The following TRHDE variants were observed in gnomAD, a reference collection of about 807,000 sequenced individuals.
TRHDE encodes the protein thyrotropin releasing hormone degrading enzyme, also known as thyrotropin-releasing hormone-degrading ectoenzyme.
A neutral mutation model predicts 125.7 loss-of-function variants in TRHDE; 72 were observed. The observed-to-expected ratio is 0.57, with a 90% CI of 0.47 to 0.70. TRHDE has a LOEUF of 0.70. Ranked by LOEUF, TRHDE falls within the 30% of genes least tolerant of loss-of-function variation. The pLI is 0.00. For synonymous variants in TRHDE, 509 were observed against 509.1 expected, an observed-to-expected ratio of 1.00 and a Z score of 0.00; for missense variants, 1,110 against 1,327.1, an observed-to-expected ratio of 0.84 and a Z score of 2.54.
intron 3 of TRHDE, among the ~76,000 whole-genome samples, chr12:72,386,324 G>A (rs1872413374): frequency 6.6e-6 from 1 of 152,068 alleles, no homozygotes; most frequent in Non-Finnish European, 1.5e-5. Context: ...CATTTTAAAC[G>A]TTTTCATATT....
chr12:72,234,702 GTTATTT>G (rs1878308446), intron 2 of TRHDE, among the ~76,000 whole-genome samples: 1 of 152,058 alleles, frequency 6.6e-6, no homozygotes, highest in Non-Finnish European at 1.5e-5. Flanking sequence ...ATAATGTAGT[GTTATTT>G]TTGTTGGTTT....
chr12:72,644,848 C>T (rs1216657551), intron 15 of TRHDE, among the ~76,000 whole-genome samples: 9 of 152,110 alleles, frequency 5.9e-5, no homozygotes, highest in Non-Finnish European at 1.3e-4. Context: ...TGCAGGCTAG[C>T]CACTGAGGGG....
intron 12 of TRHDE, among the ~76,000 whole-genome samples, chr12:72,586,670 C>T (rs938850709): frequency 5.9e-5 from 9 of 151,892 alleles, no homozygotes; most frequent in Admixed American, 5.3e-4. Flanking sequence ...AGTTGATTCA[C>T]GCCTCTAACG....
At chr12:72,236,570 G>A (rs1233491263) in intron 2 of TRHDE, among the ~76,000 whole-genome samples, 1 of 150,954 alleles carries the variant, frequency 6.6e-6, no homozygotes, top group Non-Finnish European at 1.5e-5. Flanking sequence ...TACTTTTTGT[G>A]TCAAAAACAT....
chr12:72,553,014 C>G (rs1215590375), intron 7 of TRHDE, among the ~76,000 whole-genome samples: 1 of 152,038 alleles, frequency 6.6e-6, no homozygotes, highest in Non-Finnish European at 1.5e-5. Context: ...ATGGGGAAAT[C>G]AGAGAAATCC....
At chr12:72,134,386 A>C (rs1221580789) in intron 2 of TRHDE, among the ~76,000 whole-genome samples, 1 of 152,122 alleles carries the variant, frequency 6.6e-6, no homozygotes, top group Non-Finnish European at 1.5e-5. Flanking sequence ...AAGGAGCATA[A>C]GAAGTAGGAT....
rs146459776 is a variant in TRHDE, at chr12:72,228,136, G to C, written n.279+122384G>C. On this transcript the variant is annotated intron_variant and non_coding_transcript_variant, in intron 2 of 4. Transcript: ENST00000548156. Reference sequence around the variant, plus strand: ...AGATAGTGCCCCAAGTTGGGACTCTGTGTGGGGGCTCCAACCCCACATTTC... The same window carrying C: ...AGATAGTGCCCCAAGTTGGGACTCTCTGTGGGGGCTCCAACCCCACATTTC... 3.5e-3 allele frequency among the ~76,000 whole-genome samples: 537 copies of C among 152,294 alleles called. 2 individuals are homozygous for C. The highest frequency in any genetic ancestry group is 0.018 in the East Asian group (95 of 5,162).
At chr12:72,608,990 A>T (rs1294539881) in intron 12 of TRHDE, among the ~76,000 whole-genome samples, 1 of 152,102 alleles carries the variant, frequency 6.6e-6, no homozygotes, top group Non-Finnish European at 1.5e-5. Flanking sequence ...TGCCAACCTG[A>T]GAAGATTGTT....
At chr12:72,565,462 A>G (rs1375253995) in intron 9 of TRHDE, among the ~76,000 whole-genome samples, 1 of 152,194 alleles carries the variant, frequency 6.6e-6, no homozygotes, top group Non-Finnish European at 1.5e-5. Context: ...TGTGTAACGG[A>G]GTATAAAATA....
At chr12:72,481,620 G>A (rs1877179078) in intron 5 of TRHDE, among the ~76,000 whole-genome samples, 1 of 142,822 alleles carries the variant, frequency 7.0e-6, no homozygotes, top group Non-Finnish European at 1.5e-5. Context: ...GTTCAGTTCT[G>A]CCATTCAGGC....
intron 1 of TRHDE, among the ~76,000 whole-genome samples, chr12:72,093,512 C>A (rs891667874): frequency 6.6e-6 from 1 of 151,976 alleles, no homozygotes; most frequent in Non-Finnish European, 1.5e-5. Context: ...TACTCCTTTT[C>A]ATTCTTTTTT....
intron 7 of TRHDE, among the ~76,000 whole-genome samples, chr12:72,550,599 T>C (rs1244189965): frequency 6.6e-6 from 1 of 151,984 alleles, no homozygotes; most frequent in Non-Finnish European, 1.5e-5. Flanking sequence ...AGTTTAATAC[T>C]AGTAATATGA....
chr12:72,171,061 G>A (rs1318758300), intron 2 of TRHDE, among the ~76,000 whole-genome samples: 2 of 152,102 alleles, frequency 1.3e-5, no homozygotes, highest in East Asian at 1.9e-4. Flanking sequence ...CAGTGGCCAC[G>A]TGTTTTAGCA....
At chr12:72,570,496 G>T (rs764573580) in intron 10 of TRHDE, among the ~76,000 whole-genome samples, 1 of 146,668 alleles carries the variant, frequency 6.8e-6, no homozygotes, top group African/African-American at 2.5e-5. Flanking sequence ...CAGGAGAATC[G>T]CTTGAACCCA....
chr12:72,437,929 A>C (rs958966152), intron 3 of TRHDE, among the ~76,000 whole-genome samples: 2 of 151,514 alleles, frequency 1.3e-5, no homozygotes, highest in East Asian at 3.9e-4. Flanking sequence ...TTTCCAACCC[A>C]CCCCAATCAC....
At chr12:72,225,323 C>A (rs931786349) in intron 2 of TRHDE, among the ~76,000 whole-genome samples, 2 of 152,096 alleles carry the variant, frequency 1.3e-5, no homozygotes, top group African/African-American at 4.8e-5. Context: ...CACCCTCTAA[C>A]CAAGTGAATT....
intron 12 of TRHDE, among the ~76,000 whole-genome samples, chr12:72,604,101 G>T (rs556794067): frequency 6.6e-6 from 1 of 152,214 alleles, no homozygotes; most frequent in East Asian, 1.9e-4. Flanking sequence ...TGTAAACTAG[G>T]AAAATTTAGA....
chr12:72,647,633 AACT>A (rs1303669984), intron 15 of TRHDE, among the ~76,000 whole-genome samples: 5 of 152,064 alleles, frequency 3.3e-5, no homozygotes, highest in South Asian at 2.1e-4. Flanking sequence ...GATCAAAAGA[AACT>A]ACTATGAACA....
At chr12:72,253,759 A>G (rs1411778991) in intron 2 of TRHDE, 3 of 152,074 alleles carry the variant, frequency 2.0e-5, no homozygotes, top group African/African-American at 7.2e-5. Context: ...TGAATATTGG[A>G]TTTTATCAAA....
Sources: allele counts gnomAD v4.1 joint callset (sites outside exome capture counted in the v4.1 genomes callset), GRCh38; gene constraint gnomAD v4.1.1; transcripts MANE v1.5; gene names NCBI Gene and HGNC (gene_info 2026-07-23, HGNC 2026-07-21).